The following ANKS1B variants were observed in gnomAD, a reference collection of about 807,000 sequenced individuals.
The protein encoded by ANKS1B is ankyrin repeat and sterile alpha motif domain containing 1B.
In ANKS1B, 36 loss-of-function variants were observed where a neutral mutation model predicts 148.3. The ratio of observed to expected loss-of-function variants is 0.24; its 90% CI spans 0.19 to 0.32. The LOEUF is 0.32. Ranked by LOEUF, ANKS1B falls within the 10% of genes least tolerant of loss-of-function variation. ANKS1B has a pLI of 1.00. For missense variants in ANKS1B, 1,157 were observed against 1,542.6 expected (o/e 0.75, Z 4.19); for synonymous variants, 542 against 560.8 (o/e 0.97, Z 0.47).
rs539775115 is a variant in ANKS1B at position 99,195,234 on chromosome 12, C to A, written c.2420-40839G>T. 2.0e-4 allele frequency among the ~76,000 whole-genome samples: 31 copies of A among 152,134 alleles called. 1 individual carries two copies. Among genetic ancestry groups the A allele is most frequent in the Non-Finnish European group, 3.2e-4 (22 of 68,004 alleles). On this transcript the variant is annotated intron_variant, in intron 14 of 26. Transcript: ENST00000683438. The stretch of plus-strand genomic sequence containing the variant: ...TTTTACTGACTTTATTGACTCCATA[C>A]TCTTCATGGACACTAATTTAGTCAG...
chr12:98,870,267 C>T (rs2099649781), intron 17 of ANKS1B, among the ~76,000 whole-genome samples: 2 of 152,228 alleles, frequency 1.3e-5, no homozygotes, highest in Non-Finnish European at 2.9e-5. Flanking sequence ...AATGACGATT[C>T]TGGTCAGCTA....
At chr12:99,592,899 T>TG (rs1373598084) in intron 9 of ANKS1B, among the ~76,000 whole-genome samples, 3 of 151,992 alleles carry the variant, frequency 2.0e-5, no homozygotes, top group East Asian at 1.9e-4. Flanking sequence ...TCAAGGGAAA[T>TG]GGGGGGTGTT....
chr12:99,060,246 A>G (rs941305748), intron 16 of ANKS1B, among the ~76,000 whole-genome samples: 1 of 151,894 alleles, frequency 6.6e-6, no homozygotes, highest in African/African-American at 2.4e-5. Context: ...CACCCAAATG[A>G]CTTTCCTCCA....
chr12:98,782,212 C>A (rs2098744073), intron 22 of ANKS1B, 75 bp from the exon 23 acceptor site: 1 of 1,246,304 alleles, frequency 8.0e-7, no homozygotes, highest in African/African-American at 1.5e-5. Flanking sequence ...AGAGAGGAAA[C>A]CATTTCAATA....
intron 25 of ANKS1B, among the ~76,000 whole-genome samples, chr12:98,760,882 A>T (rs1221858207): frequency 6.6e-6 from 1 of 152,230 alleles, no homozygotes; most frequent in Non-Finnish European, 1.5e-5. Flanking sequence ...TGATCTCTGC[A>T]CGAAGTCAAA....
At chr12:99,215,161 C>G (rs780497131) in intron 14 of ANKS1B, among the ~76,000 whole-genome samples, 6 of 152,196 alleles carry the variant, frequency 3.9e-5, no homozygotes, top group African/African-American at 4.8e-5. Context: ...AATCCCCAAG[C>G]CTTTGTGGCT....
intron 15 of ANKS1B, among the ~76,000 whole-genome samples, chr12:99,130,507 T>C (rs1023240656): frequency 3.9e-5 from 6 of 152,210 alleles, no homozygotes; most frequent in African/African-American, 1.2e-4. Context: ...TTATTCCTTT[T>C]TCTGCTGCAA....
At chr12:99,759,724 G>A (rs1323502616) in intron 8 of ANKS1B, among the ~76,000 whole-genome samples, 1 of 151,842 alleles carries the variant, frequency 6.6e-6, no homozygotes, top group African/African-American at 2.4e-5. Flanking sequence ...TACAAATTAG[G>A]TACACTATGA....
At chr12:98,863,958 G>A (rs2099612151) in intron 17 of ANKS1B, among the ~76,000 whole-genome samples, 1 of 152,130 alleles carries the variant, frequency 6.6e-6, no homozygotes, top group South Asian at 2.1e-4. Context: ...ACATAAACAC[G>A]AGTTTATATT....
intron 1 of ANKS1B, among the ~76,000 whole-genome samples, chr12:99,880,329 C>A (rs1056320801): frequency 6.6e-6 from 1 of 152,128 alleles, no homozygotes; most frequent in African/African-American, 2.4e-5. Flanking sequence ...AAATAACTTG[C>A]CCAAGGTCAC....
chr12:99,116,786 T>A (rs990120607), intron 15 of ANKS1B, among the ~76,000 whole-genome samples: 12 of 152,242 alleles, frequency 7.9e-5, no homozygotes, highest in African/African-American at 2.9e-4. Context: ...TAAATTACTT[T>A]GAGCCATATA....
At chr12:98,865,992 A>G (rs1330270058) in intron 17 of ANKS1B, among the ~76,000 whole-genome samples, 1 of 152,074 alleles carries the variant, frequency 6.6e-6, no homozygotes. Flanking sequence ...CTCACGTGCA[A>G]GTGTTAGAAA....
chr12:98,814,442 A>G (rs1270857480), intron 19 of ANKS1B, among the ~76,000 whole-genome samples: 1 of 152,196 alleles, frequency 6.6e-6, no homozygotes, highest in Non-Finnish European at 1.5e-5. Context: ...GGTCTACTCT[A>G]TTGGTGCCAC....
chr12:99,458,364 T>G (rs969436408), intron 10 of ANKS1B, among the ~76,000 whole-genome samples: 2 of 142,070 alleles, frequency 1.4e-5, no homozygotes, highest in African/African-American at 5.2e-5. Context: ...CTCAAGAAGA[T>G]AGAGAGACAA....
chr12:99,141,774 G>T (rs1337377688), intron 15 of ANKS1B, among the ~76,000 whole-genome samples: 1 of 151,868 alleles, frequency 6.6e-6, no homozygotes, highest in Non-Finnish European at 1.5e-5. Context: ...CCTTTTCATG[G>T]CTGCATAGTA....
At chr12:99,584,155 A>G (rs2097599587) in intron 9 of ANKS1B, among the ~76,000 whole-genome samples, 1 of 152,262 alleles carries the variant, frequency 6.6e-6, no homozygotes, top group Admixed American at 6.5e-5. Context: ...TAGGCATTTA[A>G]CAATTTATTC....
At chr12:99,511,643 C>T (rs1391030436) in intron 9 of ANKS1B, among the ~76,000 whole-genome samples, 4 of 151,942 alleles carry the variant, frequency 2.6e-5, no homozygotes, top group Admixed American at 6.6e-5. Flanking sequence ...GGAGGCATCA[C>T]GCTACCTGAC....
chr12:99,919,613 C>T (rs2094286780), intron 1 of ANKS1B, among the ~76,000 whole-genome samples: 1 of 152,070 alleles, frequency 6.6e-6, no homozygotes, highest in African/African-American at 2.4e-5. Flanking sequence ...TACTACTCAG[C>T]AATATCTCCA....
chr12:99,973,298 G>A (rs895757034), intron 1 of ANKS1B, among the ~76,000 whole-genome samples: 22 of 152,208 alleles, frequency 1.4e-4, no homozygotes, highest in African/African-American at 5.3e-4. Context: ...AACATTTGCG[G>A]GCCAGGTGCA....
Sources: gnomAD v4.1 joint callset for allele counts (sites outside exome capture counted in the v4.1 genomes callset) on GRCh38, gnomAD v4.1.1 for gene constraint, MANE v1.5 for transcripts, NCBI Gene and HGNC (gene_info 2026-07-23, HGNC 2026-07-21) for gene names.